The following PCSK9 variants were observed in gnomAD, a reference collection of about 807,000 sequenced individuals.
The protein encoded by PCSK9 is convertase subtilisin/kexin type 9 preproprotein.
PCSK9 carries 57 observed loss-of-function variants against 62.1 expected under a neutral mutation model. The ratio of observed to expected loss-of-function variants is 0.92; its 90% confidence interval spans 0.74 to 1.14. PCSK9 has a LOEUF of 1.14. PCSK9 is among the 50% of genes most tolerant of loss of function. PCSK9 has a pLI of 0.00. For missense variants in PCSK9, 870 were observed against 959.8 expected (o/e 0.91, Z 1.24); for synonymous variants, 387 against 409.4 (o/e 0.95, Z 0.66).
chr1:55,064,028 G>C lies in PCSK9; in HGVS notation c.*444G>C, dbSNP rs28362288. On this transcript the variant is annotated 3_prime_UTR_variant, in exon 12 of 12. Coordinates refer to ENST00000302118, the MANE Select transcript of PCSK9 (RefSeq NM_174936.4). ...GGGGCTGCAGGGACAAACATCGTTG[G>C]GGGGTGAGTGTGAAAGGTGCTGATG... 0.017 allele frequency: 3,072 copies of C among 177,176 alleles called. 95 individuals carry two copies. The highest frequency in any genetic ancestry group is 0.067 in the African/African-American group (2,848 of 42,494). The allele number at this position is 177,176 out of a possible 1,614,324, so 11.0% of individuals were successfully genotyped here. A position where few individuals can be genotyped will look rare whatever the true frequency, so the allele number is the denominator to read the frequency against.
At chr1:55,041,213 A>G (rs997779209) in intron 1 of PCSK9, among the ~76,000 whole-genome samples, 5 of 152,140 alleles carry the variant, frequency 3.3e-5, no homozygotes, top group African/African-American at 1.2e-4. Context: ...TGTTGGTGAC[A>G]TTGTCTTTGC....
chr1:55,052,433 G>A (rs1644681941), intron 4 of PCSK9, 22 bp downstream of exon 4: 3 of 1,613,400 alleles, frequency 1.9e-6, no homozygotes, highest in South Asian at 1.1e-5. Flanking sequence ...CGTCTGATGG[G>A]AGGGCTGCCT....
At chr1:55,055,130 G>A (rs1644704262) in intron 5 of PCSK9, among the ~76,000 whole-genome samples, 1 of 152,216 alleles carries the variant, frequency 6.6e-6, no homozygotes, top group East Asian at 1.9e-4. Flanking sequence ...AGGGTGGGGA[G>A]TTATGGTATG....
Position 55,063,378 on chromosome 1 carries a change from G to A in PCSK9, c.1873G>A (p.Ala625Thr). The change falls in exon 12 of 12, where the codon GCC (alanine) becomes ACC (threonine). Residue 625 changes from alanine to threonine, a missense_variant. Transcript: ENST00000302118. ...IPAPQEQVTV[A>T]CEEGWTLTGC... ...CCTCGGGCTCTGGCAGGTGACCGTG[G>A]CCTGCGAGGAGGGCTGGACCCTGAC... The A allele has an allele frequency of 6.2e-7, 1 of 1,613,768 alleles. No homozygotes were observed. The highest frequency in any genetic ancestry group is 1.7e-4 in the Middle Eastern group (1 of 6,006).
In PCSK9 at chr1:55,043,871, T is replaced by C; in HGVS notation, c.236T>C (p.Val79Ala). ...CCGTGGAGGTTGCCTGGCACCTACG[T>C]GGTGGTGCTGAAGGAGGAGACCCAC... ...KDPWRLPGTY[V>A]VVLKEETHLS... Residue 79 changes from valine to alanine, a missense_variant, in exon 2 of 12, where the codon GTG (valine) becomes GCG (alanine). Val to Ala is a moderately conservative substitution (Grantham distance 64, BLOSUM62 0). Transcript: ENST00000302118. 2 of 1,614,194 alleles carry C rather than the reference T, an allele frequency of 1.2e-6. No individual in the cohort carries two copies. Among genetic ancestry groups the C allele is most frequent in the East Asian group, 2.2e-5 (1 of 44,878 alleles).
intron 7 of PCSK9, 61 bp downstream of exon 7, chr1:55,057,575 G>A: frequency 1.3e-6 from 2 of 1,541,592 alleles, no homozygotes; most frequent in Middle Eastern, 2.3e-4. Flanking sequence ...GGCAGTCAGG[G>A]TCTGTGCCGG....
intron 6 of PCSK9, among the ~76,000 whole-genome samples, chr1:55,056,876 C>T (rs901471529): frequency 6.6e-6 from 1 of 152,124 alleles, no homozygotes; most frequent in Non-Finnish European, 1.5e-5. Flanking sequence ...CGTGCGCGCG[C>T]GCGCGTTGGG....
chr1:55,053,111 C>T lies in PCSK9; in HGVS notation c.799+320C>T, dbSNP rs578215446. Among the ~76,000 whole-genome samples the T allele has an allele frequency of 2.0e-5, 3 of 152,250 alleles. No individual in the cohort carries two copies. The South Asian group carries it at 6.2e-4, about 32-fold the overall frequency. On this transcript the variant is annotated intron_variant, in intron 5 of 11. Coordinates refer to ENST00000302118, the MANE Select transcript of PCSK9 (RefSeq NM_174936.4). ...GTCTTTATGTCTTTTGTTATGTTATCTTCAATGTGGAGGGACTCGAGGTGA... is the reference window on the plus strand; with the variant it reads ...GTCTTTATGTCTTTTGTTATGTTATTTTCAATGTGGAGGGACTCGAGGTGA...
chr1:55,051,850 C>G (rs183256161), intron 3 of PCSK9: 5 of 286,234 alleles, frequency 1.7e-5, no homozygotes, highest in African/African-American at 1.1e-4. Flanking sequence ...CGCAGGTGGC[C>G]AGACATCACT....
At chr1:55,056,341 G>A (rs1644714767) in intron 6 of PCSK9, 152 bp downstream of exon 6, 1 of 906,748 alleles carries the variant, frequency 1.1e-6, no homozygotes, top group Non-Finnish European at 1.5e-6. Flanking sequence ...GGAAGGAGTC[G>A]TCAGAGACCC....
At chr1:55,062,465 C>T (rs1172921088) in intron 11 of PCSK9, among the ~76,000 whole-genome samples, 3 of 152,186 alleles carry the variant, frequency 2.0e-5, no homozygotes, top group African/African-American at 7.2e-5. Context: ...TGTTCTCCCT[C>T]CTGGAGCATC....
intron 5 of PCSK9, among the ~76,000 whole-genome samples, chr1:55,054,119 C>T (rs1463708360): frequency 1.3e-5 from 2 of 152,208 alleles, no homozygotes; most frequent in African/African-American, 4.8e-5. Context: ...CGCGGTGGCT[C>T]ATGCCTGTAA....
chr1:55,041,482 A>G (rs1350076728), intron 1 of PCSK9, among the ~76,000 whole-genome samples: 1 of 152,206 alleles, frequency 6.6e-6, no homozygotes, highest in Non-Finnish European at 1.5e-5. Flanking sequence ...CTGAGAGGTG[A>G]GTAAGCAGAG....
Position 55,039,669 on chromosome 1 carries a change from G to T in PCSK9, c.-169G>T, listed in dbSNP as rs946541750. The T allele has an allele frequency of 1.3e-6, 1 of 767,376 alleles. No individual in the cohort carries two copies. The highest frequency in any genetic ancestry group is 1.7e-5 in the African/African-American group (1 of 57,460). The allele number at this position is 767,376 out of a possible 1,614,324, so 47.5% of individuals were successfully genotyped here. ...CGGGCCGGGACGCGTCGTTGCAGCA[G>T]CGGCTCCCAGCTCCCAGCCAGGATT... On this transcript the variant is annotated 5_prime_UTR_variant, in exon 1 of 12. Coordinates refer to ENST00000302118, the MANE Select transcript of PCSK9 (RefSeq NM_174936.4).
intron 2 of PCSK9, among the ~76,000 whole-genome samples, chr1:55,044,773 A>G (rs1644621678): frequency 6.6e-6 from 1 of 152,112 alleles, no homozygotes; most frequent in Non-Finnish European, 1.5e-5. Flanking sequence ...ACAGCGTGTA[A>G]TGGGCAGGGT....
intron 1 of PCSK9, among the ~76,000 whole-genome samples, chr1:55,042,453 G>A (rs1285657393): frequency 1.3e-5 from 2 of 152,196 alleles, no homozygotes; most frequent in Non-Finnish European, 2.9e-5. Context: ...CTTCCAAGCA[G>A]ACTCTGATTG....
At chr1:55,062,016 G>A (rs1315293915) in intron 11 of PCSK9, among the ~76,000 whole-genome samples, 1 of 152,228 alleles carries the variant, frequency 6.6e-6, no homozygotes, top group African/African-American at 2.4e-5. Context: ...AACCTGCTGG[G>A]AGGGTCTCAG....
Position 55,039,829 on chromosome 1 carries a change from C to T in PCSK9, c.-9C>T, listed in dbSNP as rs1225046798. The T allele has an allele frequency of 6.4e-7, 1 of 1,567,358 alleles. No homozygotes were observed. The highest frequency in any genetic ancestry group is 8.6e-7 in the Non-Finnish European group (1 of 1,157,230). On this transcript the variant is annotated 5_prime_UTR_variant, in exon 1 of 12. Coordinates refer to ENST00000302118, the MANE Select transcript of PCSK9 (RefSeq NM_174936.4). ...CCTCGCCAGGACAGCAACCTCTCCC[C>T]TGGCCCTCATGGGCACCGTCAGCTC... is the stretch of plus-strand genomic sequence containing the variant.
In PCSK9 at chr1:55,046,527, T is replaced by C. The variant is rs745916051; in HGVS notation, c.404T>C (p.Leu135Ser). Residue 135 changes from leucine (L) to serine (S), a missense_variant, in exon 3 of 12, where the codon TTG (leucine) becomes TCG (serine). Leu to Ser is a moderately radical substitution (Grantham distance 145). Coordinates refer to ENST00000302118, the MANE Select transcript of PCSK9 (RefSeq NM_174936.4). Reference sequence around the variant, plus strand: ...CGGCCTCTCTGGCTTCTGCAGGCCTTGAAGTTGCCCCATGTCGACTACATC... The same window carrying C: ...CGGCCTCTCTGGCTTCTGCAGGCCTCGAAGTTGCCCCATGTCGACTACATC... ...KMSGDLLELALKLPHVDYIEE... is the reference protein window; with the variant it reads ...KMSGDLLELASKLPHVDYIEE... 44 of 1,614,054 alleles carry C rather than the reference T, an allele frequency of 2.7e-5. No homozygotes were observed. The highest frequency in any genetic ancestry group is 3.6e-5 in the Non-Finnish European group (42 of 1,180,050).
Sources: gnomAD v4.1 joint callset for allele counts (sites outside exome capture counted in the v4.1 genomes callset) on GRCh38, gnomAD v4.1.1 for gene constraint, MANE v1.5 for transcripts, NCBI Gene and HGNC (gene_info 2026-07-23, HGNC 2026-07-21) for gene names.